Variants in FXR1 observed in about 807,000 individuals in gnomAD.
The protein encoded by FXR1 is RNA-binding protein FXR1.
In FXR1, 15 loss-of-function variants were observed where a neutral mutation model predicts 84.0. The ratio of observed to expected loss-of-function variants is 0.18; its 90% CI spans 0.12 to 0.27. The LOEUF is 0.27. FXR1 is among the 10% of genes least tolerant of loss of function. The probability of loss-of-function intolerance (pLI) is 1.00; values close to 1 mark genes in which losing one functional copy is unlikely to be tolerated. For missense variants in FXR1, 480 were observed against 774.4 expected (o/e 0.62, Z 4.51); for synonymous variants, 245 against 250.7 (o/e 0.98, Z 0.21).
In FXR1 at chr3:180,957,920, A is replaced by G. The variant is rs1711540148; in HGVS notation, c.982A>G (p.Arg328Gly). 6.9e-7 allele frequency: 1 copy of G among 1,440,204 alleles called. No individual in the cohort carries two copies. Among genetic ancestry groups the G allele is most frequent in the Non-Finnish European group, 9.7e-7 (1 of 1,033,090 alleles). 89.2% of individuals were successfully genotyped at this position (1,440,204 alleles called of 1,614,324 possible). ...IEGDNENKLP[R>G]EDGMVPFVFV... ...AGGGGACAATGAAAATAAATTACCCAGAGAAGACGTAAGTATTTAAAATGT... is the reference window on the plus strand; with the variant it reads ...AGGGGACAATGAAAATAAATTACCCGGAGAAGACGTAAGTATTTAAAATGT... The change falls in exon 10 of 17, where the codon AGA (arginine) becomes GGA (glycine). Residue 328 changes from arginine (R) to glycine (G), a missense_variant. Coordinates refer to ENST00000357559, the MANE Select transcript of FXR1 (RefSeq NM_005087.4).
intron 11 of FXR1, 108 bp from the exon 12 acceptor site, chr3:180,962,775 A>T: frequency 2.8e-6 from 2 of 716,590 alleles, no homozygotes; most frequent in East Asian, 2.5e-5. Flanking sequence ...TTTACCATCT[A>T]ATTGCCTAAG....
chr3:180,922,610 AT>A (rs1718712569), intron 1 of FXR1, among the ~76,000 whole-genome samples: 1 of 152,122 alleles, frequency 6.6e-6, no homozygotes, highest in Non-Finnish European at 1.5e-5. Flanking sequence ...TATTTAGGTT[AT>A]TAATTTTGAG....
At chr3:180,971,028 T>C (rs1431141357) in intron 15 of FXR1, 1 of 642,522 alleles carries the variant, frequency 1.6e-6, no homozygotes. Context: ...TTTTGTTTTT[T>C]TGTTTGTTTT....
At chr3:180,931,886 A>T (rs770111245) in intron 1 of FXR1, among the ~76,000 whole-genome samples, 2 of 151,320 alleles carry the variant, frequency 1.3e-5, no homozygotes, top group Non-Finnish European at 2.9e-5. Context: ...GACCACAGAC[A>T]CGCCACCAGG....
intron 1 of FXR1, among the ~76,000 whole-genome samples, chr3:180,926,506 A>ATATATATATATATATATTTTTTT (rs72192827): frequency 1.6e-5 from 2 of 124,392 alleles, no homozygotes; most frequent in Admixed American, 8.3e-5. Flanking sequence ...ATATATATAT[A>ATATATATATATATATATTTTTTT]TTTTTTTTTC....
At chr3:180,954,483 A>G (rs995547388) in intron 9 of FXR1, among the ~76,000 whole-genome samples, 1 of 152,246 alleles carries the variant, frequency 6.6e-6, no homozygotes, top group East Asian at 1.9e-4. Flanking sequence ...TGAGCATTAT[A>G]GCTTGGAATG....
intron 3 of FXR1, among the ~76,000 whole-genome samples, chr3:180,937,078 G>GT (rs1455430595): frequency 6.6e-6 from 1 of 152,132 alleles, no homozygotes; most frequent in African/African-American, 2.4e-5. Context: ...TATTGAAAAT[G>GT]TTTTTCTCAA....
chr3:180,953,501 C>G (rs1722434164), intron 8 of FXR1, among the ~76,000 whole-genome samples: 2 of 152,104 alleles, frequency 1.3e-5, no homozygotes. Flanking sequence ...CACTAAATTT[C>G]TCAGCAGCTT....
In FXR1 at chr3:180,949,093, C is replaced by T. The variant is rs189739481; in HGVS notation, c.514-134C>T. ...ATTCAGAAAGGAAAGTGTGATTACT[C>T]AGAGTAGTGAGTGTTAGGTGAAAGA... On this transcript the variant is annotated intron_variant, in intron 6 of 16. Coordinates refer to ENST00000357559, the MANE Select transcript of FXR1 (RefSeq NM_005087.4). 85 of 705,346 alleles carry T rather than the reference C, an allele frequency of 1.2e-4. 1 individual carries two copies. The African/African-American group carries it at 1.4e-3, about 12-fold the overall frequency. The allele number at this position is 705,346 out of a possible 1,614,324, so 43.7% of individuals were successfully genotyped here.
intron 8 of FXR1, among the ~76,000 whole-genome samples, chr3:180,953,323 A>AATAT (rs1722419435): frequency 6.6e-6 from 1 of 152,210 alleles, no homozygotes; most frequent in Non-Finnish European, 1.5e-5. Context: ...CTGCAAAAAT[A>AATAT]GCTTTTTAAG....
At position 180,980,457 on chromosome 3, in the gene FXR1, TTTTC is replaced by T. The variant is rs976606225; in HGVS notation, c.*4167_*4170del. 1.3e-5 allele frequency: 2 copies of T among 151,982 alleles called. No individual in the cohort carries two copies. Among genetic ancestry groups the T allele is most frequent in the Non-Finnish European group, 2.9e-5 (2 of 67,922 alleles). The allele number at this position is 151,982 out of a possible 1,614,324, so 9.4% of individuals were successfully genotyped here. A position where few individuals can be genotyped will look rare whatever the true frequency, so the allele number is the denominator to read the frequency against. ...ATTAACTGTAAAATGTACATATTAA[TTTTC>T]TAGTTTTAGAGACCATTTTCATTAA... On this transcript the variant is annotated 3_prime_UTR_variant, in exon 17 of 17. Transcript: ENST00000357559.
At chr3:180,966,318 G>A (rs182061421) in intron 13 of FXR1, among the ~76,000 whole-genome samples, 3 of 152,182 alleles carry the variant, frequency 2.0e-5, no homozygotes, top group Admixed American at 1.3e-4. Flanking sequence ...TAATTGACTA[G>A]TTACATCTAT....
intron 3 of FXR1, among the ~76,000 whole-genome samples, chr3:180,944,523 T>A (rs1236213900): frequency 6.6e-6 from 1 of 151,926 alleles, no homozygotes; most frequent in Non-Finnish European, 1.5e-5. Context: ...GACGAAATCT[T>A]CCTGTGTTGT....
chr3:180,931,664 TTTATATTTTATA>T (rs1719914200), intron 1 of FXR1, among the ~76,000 whole-genome samples: 5 of 151,978 alleles, frequency 3.3e-5, no homozygotes, highest in Non-Finnish European at 7.4e-5. Context: ...CCACTGCCAG[TTTATATTTTATA>T]GTCTTAATTT....
chr3:180,918,763 A>G (rs1207370606), intron 1 of FXR1, among the ~76,000 whole-genome samples: 2 of 152,202 alleles, frequency 1.3e-5, no homozygotes, highest in Non-Finnish European at 2.9e-5. Flanking sequence ...TGGCAGTCCC[A>G]TCTACCTCTA....
At position 180,970,328 on chromosome 3, in the gene FXR1, G is replaced by C. The variant is rs1394508059; in HGVS notation, c.1573G>C (p.Asp525His). The C allele has an allele frequency of 1.9e-6, 3 of 1,588,110 alleles. No individual in the cohort carries two copies. Among genetic ancestry groups the C allele is most frequent in the Admixed American group, 3.4e-5 (2 of 58,768 alleles). ...TCTGATGGATGGAATGACTGAATCT[G>C]ATACAGCTTCAGTTAATGAAAATGG... ...AVLMDGMTESDTASVNENGLV... is the reference protein window; with the variant it reads ...AVLMDGMTESHTASVNENGLV... The change falls in exon 15 of 17, where the codon GAT (aspartate) becomes CAT (histidine). Residue 525 changes from aspartate to histidine, a missense_variant. Physicochemically the swap from Asp to His is moderately conservative, Grantham distance 81. Coordinates refer to ENST00000357559, the MANE Select transcript of FXR1 (RefSeq NM_005087.4).
chr3:180,948,906 C>G, intron 6 of FXR1, 92 bp downstream of exon 6: 1 of 730,060 alleles, frequency 1.4e-6, no homozygotes, highest in Non-Finnish European at 2.4e-6. Context: ...CTAAGATCAA[C>G]TTAGTGTATA....
At chr3:180,949,450 A>G (rs1475020947) in intron 7 of FXR1, 107 bp downstream of exon 7, 2 of 721,658 alleles carry the variant, frequency 2.8e-6, no homozygotes, top group Non-Finnish European at 5.1e-6. Flanking sequence ...GCAGTGGCAC[A>G]ATCTTGGCTT....
rs1282023982 is a variant in FXR1, at chr3:180,964,748, TTC to T, written c.1198+1659_1198+1660del. Among the ~76,000 whole-genome samples the T allele has an allele frequency of 3.3e-5, 5 of 149,446 alleles. No individual in the cohort carries two copies. The Admixed American group carries it at 3.4e-4, about 10-fold the overall frequency. ...GTTTAATAGGAACTATAAGAAACATTTCCCAGTATAACATCTCTGAAGTTGGT... is the reference window on the plus strand; with the variant it reads ...GTTTAATAGGAACTATAAGAAACATTCCAGTATAACATCTCTGAAGTTGGT... On this transcript the variant is annotated intron_variant, in intron 13 of 16. Coordinates refer to ENST00000357559, the MANE Select transcript of FXR1 (RefSeq NM_005087.4).
Sources: allele counts gnomAD v4.1 joint callset (sites outside exome capture counted in the v4.1 genomes callset), GRCh38; gene constraint gnomAD v4.1.1; transcripts MANE v1.5; gene names NCBI Gene and HGNC (gene_info 2026-07-23, HGNC 2026-07-21).